TAF1: variants seen among roughly 807,000 people sequenced by gnomAD.
TAF1 encodes TATA-box binding protein associated factor 1.
Under a neutral mutation model 138.5 loss-of-function variants are expected in TAF1, and 2 were observed. The ratio of observed to expected loss-of-function variants is 0.01; its 90% CI spans 0.01 to 0.05. The LOEUF is 0.05. Ranked by LOEUF, TAF1 falls within the 10% of genes least tolerant of loss-of-function variation. The pLI, the probability that TAF1 is intolerant of heterozygous loss-of-function variation, is 1.00. For synonymous variants in TAF1, 437 were observed against 503.2 expected, an observed-to-expected ratio of 0.87 and a Z score of 1.76; for missense variants, 709 against 1,478.0, an observed-to-expected ratio of 0.48 and a Z score of 8.53.
intron 13 of TAF1, among the ~76,000 whole-genome samples, chrX:71,516,701 CTGT>C (rs976462419): frequency 2.0e-5 from 2 of 99,733 alleles, no homozygotes; most frequent in African/African-American, 3.6e-5. Context: ...TTTTTTGTTG[CTGT>C]TGTTGTTGTT....
intron 13 of TAF1, among the ~76,000 whole-genome samples, chrX:71,505,888 C>T (rs188500822): frequency 9.0e-5 from 10 of 110,661 alleles, no homozygotes; most frequent in African/African-American, 2.6e-4. Context: ...GGCATGGTGG[C>T]GCATGCCTGT....
intron 3 of TAF1, among the ~76,000 whole-genome samples, chrX:71,374,871 G>A (rs2033353935): frequency 9.1e-6 from 1 of 110,040 alleles, no homozygotes. Flanking sequence ...TGGATCACAA[G>A]GTCAGGAGTT....
chrX:71,483,772 C>CTATA (rs1296271842), intron 13 of TAF1, among the ~76,000 whole-genome samples: 32 of 75,177 alleles, frequency 4.3e-4, no homozygotes, highest in Non-Finnish European at 5.2e-4. Flanking sequence ...CTCTCTCTCT[C>CTATA]TCTCTCTCTA....
At chrX:71,460,570 A>G (rs1270904865) in intron 36 of TAF1, 56 bp from the exon 37 acceptor site, 2 of 1,175,711 alleles carry the variant, frequency 1.7e-6, no homozygotes, top group South Asian at 1.9e-5. Flanking sequence ...GCCAAAGATC[A>G]AGTTAAATCT....
intron 32 of TAF1, among the ~76,000 whole-genome samples, chrX:71,452,111 C>A (rs1401435552): frequency 5.8e-5 from 5 of 86,180 alleles, no homozygotes; most frequent in African/African-American, 1.0e-4. Context: ...GGGGGCTGAC[C>A]CCCCCCCCCA....
At chrX:71,375,005 G>A (rs1263795240) in intron 3 of TAF1, among the ~76,000 whole-genome samples, 162 bp from the exon 4 acceptor site, 3 of 107,934 alleles carry the variant, frequency 2.8e-5, no homozygotes, top group South Asian at 4.2e-4. Context: ...GAACTCGGGA[G>A]GTGGAGGTTG....
intron 28 of TAF1, among the ~76,000 whole-genome samples, chrX:71,416,411 C>T (rs1462903133): frequency 9.3e-6 from 1 of 108,042 alleles, no homozygotes; most frequent in Non-Finnish European, 1.9e-5. Flanking sequence ...GAAGAAGAAA[C>T]GTGGCTTTCA....
At chrX:71,425,351 A>C (rs2036543890) in intron 32 of TAF1, among the ~76,000 whole-genome samples, 1 of 111,819 alleles carries the variant, frequency 8.9e-6, no homozygotes, top group African/African-American at 3.2e-5. Flanking sequence ...GCAGCTTGGA[A>C]CCAGGCATGG....
intron 13 of TAF1, among the ~76,000 whole-genome samples, chrX:71,496,789 CTCTT>C (rs1242725788): frequency 9.0e-6 from 1 of 111,413 alleles, no homozygotes; most frequent in Non-Finnish European, 1.9e-5. Flanking sequence ...CTTGCTGTCT[CTCTT>C]TCTTTCTCTG....
At chrX:71,502,510 C>T (rs2039529895) in intron 13 of TAF1, among the ~76,000 whole-genome samples, 1 of 112,900 alleles carries the variant, frequency 8.9e-6, no homozygotes. Flanking sequence ...CTGGCTTCAC[C>T]TCTCAGTATG....
intron 32 of TAF1, among the ~76,000 whole-genome samples, chrX:71,451,965 A>C (rs1281161022): frequency 8.9e-6 from 1 of 112,651 alleles, no homozygotes; most frequent in Non-Finnish European, 1.9e-5. Flanking sequence ...CATTGTCATC[A>C]TGGCCCGTTC....
chrX:71,453,054 AGAGAGG>A (rs1483554451), intron 32 of TAF1, among the ~76,000 whole-genome samples: 152 of 110,559 alleles, frequency 1.4e-3, no homozygotes, highest in Non-Finnish European at 2.4e-3. Context: ...GACCGTGGAA[AGAGAGG>A]GAGAGGGAGA....
intron 3 of TAF1, among the ~76,000 whole-genome samples, chrX:71,369,589 G>A (rs2032867276): frequency 9.2e-6 from 1 of 109,047 alleles, no homozygotes; most frequent in Non-Finnish European, 1.9e-5. Context: ...ACTCTAAACT[G>A]ATAGGCAGTG....
chrX:71,424,376 T>A, intron 32 of TAF1, 138 bp downstream of exon 32: 1 of 380,051 alleles, frequency 2.6e-6, no homozygotes, highest in African/African-American at 2.7e-5. Context: ...GGTGTGATCA[T>A]AGTTCACTGA....
chrX:71,377,482 A>G, intron 5 of TAF1, 121 bp from the exon 6 acceptor site: 2 of 899,414 alleles, frequency 2.2e-6, no homozygotes, highest in South Asian at 2.6e-5. Flanking sequence ...TCTGAATGCG[A>G]CACTCCTTTG....
chrX:71,392,743 T>G (rs1218895474), intron 19 of TAF1, 25 bp downstream of exon 19: 1 of 1,189,751 alleles, frequency 8.4e-7, no homozygotes, highest in Non-Finnish European at 1.1e-6. Flanking sequence ...ATTTCTAGAA[T>G]GAAAAAGTCA....
chrX:71,393,138 T>C (rs940627976), intron 20 of TAF1, 144 bp downstream of exon 20: 3 of 1,059,671 alleles, frequency 2.8e-6, no homozygotes, highest in African/African-American at 1.9e-5. Context: ...TTAGGAGTTA[T>C]CTTTCTATGT....
At chrX:71,432,882 A>G (rs1033164579) in intron 32 of TAF1, among the ~76,000 whole-genome samples, 2 of 112,042 alleles carry the variant, frequency 1.8e-5, no homozygotes, top group African/African-American at 6.5e-5. Flanking sequence ...CAAATTTCTT[A>G]CCAAATTACT....
chrX:71,373,431 G>A (rs2033238932), intron 3 of TAF1, among the ~76,000 whole-genome samples: 1 of 111,144 alleles, frequency 9.0e-6, no homozygotes, highest in Non-Finnish European at 1.9e-5. Flanking sequence ...GCCTCCCAAA[G>A]TGCTGGGATT....
Sources: gnomAD v4.1 joint callset for allele counts (sites outside exome capture counted in the v4.1 genomes callset) on GRCh38, gnomAD v4.1.1 for gene constraint, MANE v1.5 for transcripts, NCBI Gene and HGNC (gene_info 2026-07-23, HGNC 2026-07-21) for gene names.